BICC1: variants seen among roughly 807,000 people sequenced by gnomAD.
BICC1 encodes BicC family RNA binding protein 1.
In BICC1, 43 loss-of-function variants were observed where a neutral mutation model predicts 111.0. That is an observed-to-expected ratio of 0.39 (90% CI 0.30 to 0.50). The LOEUF is 0.50. BICC1 is among the 20% of genes least tolerant of loss of function. BICC1 has a pLI of 0.88. For missense variants in BICC1, 1,091 were observed against 1,203.2 expected, an observed-to-expected ratio of 0.91 and a Z score of 1.38; for synonymous variants, 467 against 434.4, an observed-to-expected ratio of 1.07 and a Z score of -0.93.
At chr10:58,575,311 C>T (rs1400025317) in intron 1 of BICC1, among the ~76,000 whole-genome samples, 2 of 127,232 alleles carry the variant, frequency 1.6e-5, no homozygotes, top group African/African-American at 2.5e-5. Flanking sequence ...ATCAAAGATC[C>T]CCGGGTCCCT....
intron 3 of BICC1, among the ~76,000 whole-genome samples, chr10:58,703,929 A>G (rs1196289741): frequency 3.4e-5 from 3 of 87,270 alleles, no homozygotes; most frequent in Non-Finnish European, 6.7e-5. Flanking sequence ...TGCAGTATCC[A>G]TGCTGTTGTT....
Position 58,811,204 on chromosome 10 carries a change from C to T in BICC1, c.2377-2626C>T, listed in dbSNP as rs564110407. Among the ~76,000 whole-genome samples, 7 of 152,288 alleles carry T rather than the reference C, an allele frequency of 4.6e-5. No individual in the cohort carries two copies. The South Asian group carries it at 1.2e-3, about 27-fold the overall frequency. On this transcript the variant is annotated intron_variant, in intron 17 of 20. Coordinates refer to ENST00000373886, the MANE Select transcript of BICC1 (RefSeq NM_001080512.3). ...TCAAACAAAAGGCTGCTTTGACCTG[C>T]AGTAACTGTGTCACATCAATAAAGC...
At chr10:58,614,321 G>A (rs1044303444) in intron 1 of BICC1, among the ~76,000 whole-genome samples, 8 of 152,116 alleles carry the variant, frequency 5.3e-5, no homozygotes, top group African/African-American at 7.2e-5. Flanking sequence ...ACTCAACACC[G>A]TTTGCACCTG....
intron 3 of BICC1, among the ~76,000 whole-genome samples, chr10:58,772,950 CAT>C (rs1237017083): frequency 6.6e-6 from 1 of 152,240 alleles, no homozygotes; most frequent in Non-Finnish European, 1.5e-5. Flanking sequence ...CTGATCCACA[CAT>C]ATTTCTCAAA....
chr10:58,564,655 C>T (rs1405131190), intron 1 of BICC1, among the ~76,000 whole-genome samples: 1 of 152,180 alleles, frequency 6.6e-6, no homozygotes, highest in East Asian at 1.9e-4. Context: ...CCAGAGGAAT[C>T]ACTGGCCTTT....
chr10:58,647,078 G>A (rs1838292088), intron 2 of BICC1, among the ~76,000 whole-genome samples: 2 of 152,024 alleles, frequency 1.3e-5, no homozygotes, highest in Non-Finnish European at 2.9e-5. Context: ...TCTTCCTATG[G>A]TAGATATACC....
At chr10:58,525,994 T>G (rs1008458620) in intron 1 of BICC1, among the ~76,000 whole-genome samples, 6 of 151,814 alleles carry the variant, frequency 4.0e-5, no homozygotes, top group African/African-American at 1.4e-4. Flanking sequence ...TACATGGCTT[T>G]TTTTTCTTCG....
At position 58,828,946 on chromosome 10, in the gene BICC1, G is replaced by A; in HGVS notation, c.*55G>A. ...TAACTGTAAAGTGGACACAGGAGAT[G>A]TATGAACAGCCTTCACAGCACACCA... On this transcript the variant is annotated 3_prime_UTR_variant, in exon 21 of 21. Coordinates refer to ENST00000373886, the MANE Select transcript of BICC1 (RefSeq NM_001080512.3). The A allele has an allele frequency of 6.2e-7, 1 of 1,604,968 alleles. No individual in the cohort carries two copies. The highest frequency in any genetic ancestry group is 1.1e-5 in the South Asian group (1 of 90,280).
chr10:58,590,161 A>G (rs570442535), intron 1 of BICC1, among the ~76,000 whole-genome samples: 1 of 152,312 alleles, frequency 6.6e-6, no homozygotes, highest in Non-Finnish European at 1.5e-5. Context: ...TAATGGACTT[A>G]GGGGAGTTTG....
chr10:58,784,820 T>C (rs1842966353), intron 3 of BICC1, among the ~76,000 whole-genome samples, 181 bp from the exon 4 acceptor site: 1 of 152,180 alleles, frequency 6.6e-6, no homozygotes, highest in Non-Finnish European at 1.5e-5. Context: ...CGTGGGCATT[T>C]TCCATATTCC....
At position 58,557,104 on chromosome 10, in the gene BICC1, T is replaced by A. The variant is rs183742848; in HGVS notation, c.190+43771T>A. ...TTTAACATTTCTTATCCTTTAATAT[T>A]CTCATTTTGCCTTTATTTTTGAAAG... is the stretch of plus-strand genomic sequence containing the variant. On this transcript the variant is annotated intron_variant, in intron 1 of 20. Transcript: ENST00000373886. 7.2e-5 allele frequency among the ~76,000 whole-genome samples: 11 copies of A among 152,256 alleles called. No homozygotes were observed. In the East Asian group the frequency reaches 2.1e-3, roughly 29 times the overall value.
At chr10:58,818,130 T>C (rs1295099167) in intron 19 of BICC1, among the ~76,000 whole-genome samples, 3 of 152,198 alleles carry the variant, frequency 2.0e-5, no homozygotes, top group Admixed American at 1.3e-4. Flanking sequence ...GAAATATCTC[T>C]GGCTGTTTTT....
chr10:58,669,778 C>G (rs1218994920), intron 2 of BICC1, among the ~76,000 whole-genome samples: 1 of 152,078 alleles, frequency 6.6e-6, no homozygotes, highest in African/African-American at 2.4e-5. Flanking sequence ...GAACTTTACC[C>G]ATATATTTTT....
At chr10:58,682,626 G>A (rs1362788196) in intron 2 of BICC1, among the ~76,000 whole-genome samples, 2 of 152,198 alleles carry the variant, frequency 1.3e-5, no homozygotes. Context: ...CAGTGATGAT[G>A]AGCATTTTTT....
chr10:58,684,208 T>A (rs1341893160), intron 2 of BICC1, among the ~76,000 whole-genome samples: 1 of 151,162 alleles, frequency 6.6e-6, no homozygotes. Flanking sequence ...ACCAGCCTTG[T>A]ATCCCAGGGA....
intron 18 of BICC1, among the ~76,000 whole-genome samples, chr10:58,815,607 T>C (rs2132948330): frequency 6.6e-6 from 1 of 152,250 alleles, no homozygotes; most frequent in Non-Finnish European, 1.5e-5. Flanking sequence ...TAAAAAGGAA[T>C]GATTAATGAA....
intron 1 of BICC1, among the ~76,000 whole-genome samples, chr10:58,548,084 T>C (rs573362115): frequency 6.6e-6 from 1 of 152,338 alleles, no homozygotes; most frequent in South Asian, 2.1e-4. Flanking sequence ...TATAAATATT[T>C]GTATTTGTGT....
chr10:58,631,830 C>G (rs549717629), intron 2 of BICC1, among the ~76,000 whole-genome samples: 1 of 152,292 alleles, frequency 6.6e-6, no homozygotes, highest in East Asian at 1.9e-4. Flanking sequence ...ACCTTAATCT[C>G]CAGTGAATAA....
Position 58,677,427 on chromosome 10 carries a change from T to C in BICC1, c.238-24647T>C, listed in dbSNP as rs377287127. ...GCATATACAAGTATCAAGAACCAAA[T>C]TGATCAGTTGGAAGAAAGGATATCG... On this transcript the variant is annotated intron_variant, in intron 2 of 20. Coordinates refer to ENST00000373886, the MANE Select transcript of BICC1 (RefSeq NM_001080512.3). Among the ~76,000 whole-genome samples, 74 of 152,238 alleles carry C rather than the reference T, an allele frequency of 4.9e-4. 1 individual carries two copies. The South Asian group carries it at 0.015, about 30-fold the overall frequency.
Sources: allele counts gnomAD v4.1 joint callset (sites outside exome capture counted in the v4.1 genomes callset), GRCh38; gene constraint gnomAD v4.1.1; transcripts MANE v1.5; gene names NCBI Gene and HGNC (gene_info 2026-07-23, HGNC 2026-07-21).